TSHZ2: variants seen among roughly 807,000 people sequenced by gnomAD.
TSHZ2 encodes the protein teashirt zinc finger homeobox 2.
A neutral mutation model predicts 74.4 loss-of-function variants in TSHZ2; 21 were observed. The ratio of observed to expected loss-of-function variants is 0.28; its 90% CI spans 0.20 to 0.41. The LOEUF (loss-of-function observed/expected upper bound fraction) is 0.41. TSHZ2 is among the 10% of genes least tolerant of loss of function. The pLI is 1.00. For missense variants in TSHZ2, 1,244 were observed against 1,293.5 expected (o/e 0.96, Z 0.59); for synonymous variants, 540 against 515.3 (o/e 1.05, Z -0.65).
At chr20:53,036,439 TACAC>T (rs1020891462) in intron 1 of TSHZ2, among the ~76,000 whole-genome samples, 6 of 151,682 alleles carry the variant, frequency 4.0e-5, no homozygotes, top group Admixed American at 3.9e-4. Context: ...CACGTATACA[TACAC>T]ACATATATAC....
rs558922248 is a variant in TSHZ2 at position 52,988,216 on chromosome 20, G to A, written c.40+14883G>A. Among the ~76,000 whole-genome samples, 7 of 152,144 alleles carry A rather than the reference G, an allele frequency of 4.6e-5. No individual in the cohort carries two copies. In the South Asian group the frequency reaches 8.3e-4, roughly 18 times the overall value. ...ACCCATATAACAACGAAGCCAAAAG[G>A]ACTAAGCTTGTACCTAACATTTACC... On this transcript the variant is annotated intron_variant, in intron 1 of 2. Transcript: ENST00000371497.
intron 1 of TSHZ2, among the ~76,000 whole-genome samples, chr20:53,161,130 C>CAAAAAAAAAAAAAAAAAAAAAAAAAAAAA (rs368626161): frequency 1.5e-5 from 1 of 67,978 alleles, no homozygotes. Flanking sequence ...TTATTTTCAG[C>CAAAAAAAAAAAAAAAAAAAAAAAAAAAAA]AAAAAAAAAA....
intron 2 of TSHZ2, among the ~76,000 whole-genome samples, chr20:53,456,539 T>C (rs948657524): frequency 2.2e-4 from 25 of 111,134 alleles, no homozygotes; most frequent in African/African-American, 8.3e-4. Context: ...TTTCTTTTGC[T>C]GTGCAGAAGC....
At chr20:53,283,342 C>T (rs531394153) in intron 2 of TSHZ2, among the ~76,000 whole-genome samples, 10 of 152,270 alleles carry the variant, frequency 6.6e-5, no homozygotes, top group East Asian at 3.9e-4. Context: ...TTACTATGTC[C>T]GAGGCACTCT....
chr20:53,077,548 A>C (rs2123219373), intron 1 of TSHZ2, among the ~76,000 whole-genome samples: 1 of 152,314 alleles, frequency 6.6e-6, no homozygotes, highest in Non-Finnish European at 1.5e-5. Context: ...GGACCTGTCC[A>C]CATATTAGGA....
chr20:53,467,768 T>C (rs879471517), intron 2 of TSHZ2, among the ~76,000 whole-genome samples: 5 of 152,184 alleles, frequency 3.3e-5, no homozygotes, highest in Admixed American at 3.3e-4. Flanking sequence ...GGCCACCAAT[T>C]TGACTCTGAG....
intron 1 of TSHZ2, among the ~76,000 whole-genome samples, chr20:53,152,341 C>T (rs574858513): frequency 2.0e-5 from 3 of 152,160 alleles, no homozygotes; most frequent in Non-Finnish European, 4.4e-5. Flanking sequence ...CAAATTCTGA[C>T]CCTGACCCTC....
intron 1 of TSHZ2, among the ~76,000 whole-genome samples, chr20:52,978,634 A>G (rs1360772853): frequency 2.6e-5 from 4 of 152,198 alleles, no homozygotes; most frequent in African/African-American, 9.7e-5. Flanking sequence ...AGTGTCTTGC[A>G]TCGCTTCCCT....
chr20:53,053,031 C>T (rs1357109928), intron 1 of TSHZ2, among the ~76,000 whole-genome samples: 1 of 152,134 alleles, frequency 6.6e-6, no homozygotes, highest in East Asian at 1.9e-4. Context: ...TTAGCATTCA[C>T]ACCTCCTTCC....
chr20:53,220,626 C>T (rs1216035747), intron 1 of TSHZ2, among the ~76,000 whole-genome samples: 3 of 152,150 alleles, frequency 2.0e-5, no homozygotes, highest in Admixed American at 6.5e-5. Flanking sequence ...TACCAGATGC[C>T]GTATGTACCA....
intron 2 of TSHZ2, among the ~76,000 whole-genome samples, chr20:53,331,315 C>A (rs1427474755): frequency 6.6e-6 from 1 of 152,138 alleles, no homozygotes; most frequent in Non-Finnish European, 1.5e-5. Context: ...GGAGAAGCCA[C>A]GGAAAGCTCT....
At chr20:53,036,035 A>T (rs1348973491) in intron 1 of TSHZ2, among the ~76,000 whole-genome samples, 1 of 152,226 alleles carries the variant, frequency 6.6e-6, no homozygotes, top group Non-Finnish European at 1.5e-5. Flanking sequence ...TAATCCTTCA[A>T]TGCCATATTA....
intron 2 of TSHZ2, among the ~76,000 whole-genome samples, chr20:53,288,851 A>G (rs1991224505): frequency 6.6e-6 from 1 of 152,180 alleles, no homozygotes; most frequent in Non-Finnish European, 1.5e-5. Flanking sequence ...TTGGGGAAAC[A>G]GGTGGTTTTT....
intron 2 of TSHZ2, among the ~76,000 whole-genome samples, chr20:53,419,396 TTAATAA>T (rs922493188): frequency 3.3e-5 from 5 of 152,150 alleles, no homozygotes; most frequent in South Asian, 2.1e-4. Flanking sequence ...AAGGTATGTG[TTAATAA>T]TAATAATAAT....
intron 1 of TSHZ2, among the ~76,000 whole-genome samples, chr20:53,135,054 T>C (rs1568776138): frequency 6.6e-6 from 1 of 151,288 alleles, no homozygotes; most frequent in Non-Finnish European, 1.5e-5. Flanking sequence ...TGGCACTGCC[T>C]TTTTATTTTT....
chr20:53,489,292 C>A lies in TSHZ2; in HGVS notation c.*2157C>A. 1 of 419,330 alleles carries A rather than the reference C, an allele frequency of 2.4e-6. No homozygotes were observed. 26.0% of individuals were successfully genotyped at this position (419,330 alleles called of 1,614,324 possible). ...GTCTGTCTTTGCTTAACCTATTCAA[C>A]CAGAAATGAATGGAGCTCGACTGGA... On this transcript the variant is annotated 3_prime_UTR_variant, in exon 3 of 3. Transcript: ENST00000371497.
intron 2 of TSHZ2, among the ~76,000 whole-genome samples, chr20:53,304,380 C>CT (rs1157251755): frequency 6.6e-6 from 1 of 151,972 alleles, no homozygotes; most frequent in Admixed American, 6.6e-5. Flanking sequence ...ACATGCCCTG[C>CT]TTGTAGCATA....
rs6013668 is a variant in TSHZ2 at position 53,353,780 on chromosome 20, A to T, written c.*8+97209A>T. ...GTTTATCTCAGATTTATCATCAGGC[A>T]GTTGAAACAAGGGTATTAGAAATCA... On this transcript the variant is annotated intron_variant, in intron 2 of 2. Transcript: ENST00000371497. Among the ~76,000 whole-genome samples the T allele has an allele frequency of 4.0e-3, 608 of 152,360 alleles. 4 individuals are homozygous for T. The highest frequency in any genetic ancestry group is 0.014 in the African/African-American group (577 of 41,576).
chr20:53,010,151 C>T (rs563299996), intron 1 of TSHZ2, among the ~76,000 whole-genome samples: 1 of 152,286 alleles, frequency 6.6e-6, no homozygotes, highest in South Asian at 2.1e-4. Flanking sequence ...GACCCATTGC[C>T]TCAGGCTGGA....
Sources: allele counts gnomAD v4.1 joint callset (sites outside exome capture counted in the v4.1 genomes callset), GRCh38; gene constraint gnomAD v4.1.1; transcripts MANE v1.5; gene names NCBI Gene and HGNC (gene_info 2026-07-23, HGNC 2026-07-21).